The following TET1 variants were observed in gnomAD, a reference collection of about 807,000 sequenced individuals.
TET1 encodes the protein tet methylcytosine dioxygenase 1, also known as methylcytosine dioxygenase TET1.
Under a neutral mutation model 148.7 loss-of-function variants are expected in TET1, and 13 were observed. That is an observed-to-expected ratio of 0.09 (90% confidence interval 0.06 to 0.14). The LOEUF is 0.14. Ranked by LOEUF, TET1 falls within the 10% of genes least tolerant of loss-of-function variation. The pLI is 1.00. For missense variants in TET1, 2,182 were observed against 2,553.8 expected (o/e 0.85, Z 3.14); for synonymous variants, 907 against 937.2 (o/e 0.97, Z 0.59).
chr10:68,584,086 C>G (rs1435851442), intron 2 of TET1, among the ~76,000 whole-genome samples: 2 of 150,764 alleles, frequency 1.3e-5, no homozygotes, highest in Non-Finnish European at 2.9e-5. Context: ...GTCGCCCAGG[C>G]TAGAATGCGG....
intron 2 of TET1, among the ~76,000 whole-genome samples, chr10:68,581,797 A>G (rs1349656528): frequency 4.6e-5 from 7 of 151,884 alleles, no homozygotes; most frequent in South Asian, 2.1e-4. Context: ...GTGAGCTTAG[A>G]TCACACTACA....
chr10:68,586,003 A>AC (rs2132826470), intron 2 of TET1, among the ~76,000 whole-genome samples: 1 of 81,440 alleles, frequency 1.2e-5, no homozygotes, highest in South Asian at 4.8e-4. Flanking sequence ...ACTCCATCTC[A>AC]AAAAAAAAAA....
At chr10:68,667,526 C>A (rs1165238923) in intron 7 of TET1, among the ~76,000 whole-genome samples, 2 of 152,016 alleles carry the variant, frequency 1.3e-5, no homozygotes, top group Non-Finnish European at 2.9e-5. Flanking sequence ...GAGGCCGAGG[C>A]AGGAGGATCA....
In TET1 at chr10:68,600,056, GGT is replaced by G. The variant is rs1340818822; in HGVS notation, c.1915-921_1915-920del. ...CTGGGCAAAGCGCCTGCTGCAAAGA[GGT>G]GTGGTTCCTGAGGAATGAGACACGC... On this transcript the variant is annotated intron_variant, in intron 2 of 11. Transcript: ENST00000373644. Among the ~76,000 whole-genome samples the G allele has an allele frequency of 3.3e-5, 5 of 152,262 alleles. No individual in the cohort carries two copies. The East Asian group carries it at 7.7e-4, about 24-fold the overall frequency.
rs774982155 is a variant in TET1, at chr10:68,601,059, A to G, written c.1968+25A>G. 6 of 1,568,806 alleles carry G rather than the reference A, an allele frequency of 3.8e-6. No homozygotes were observed. The East Asian group carries it at 9.0e-5, about 24-fold the overall frequency. ...GGTAATCAGCTGTTGATTAAATAAT[A>G]TTTCATTATTTTTCCATTTCATATA... On this transcript the variant is annotated intron_variant, in intron 3 of 11. Coordinates refer to ENST00000373644, the MANE Select transcript of TET1 (RefSeq NM_030625.3).
rs144287764 is a variant in TET1, at chr10:68,647,097, T to A, written c.4276+92T>A. On this transcript the variant is annotated intron_variant, in intron 4 of 11. Transcript: ENST00000373644. The stretch of plus-strand genomic sequence containing the variant: ...ATTCTGATTCATCTTTTTTGTGTGA[T>A]ATTTTTTCCCCATTCTTATTCTAAC... The A allele has an allele frequency of 1.5e-4, 208 of 1,382,820 alleles. No individual in the cohort carries two copies. In the African/African-American group the frequency reaches 2.7e-3, roughly 18 times the overall value. The allele number at this position is 1,382,820 out of a possible 1,614,324, so 85.7% of individuals were successfully genotyped here. A position where few individuals can be genotyped will look rare whatever the true frequency, so the allele number is the denominator to read the frequency against.
At chr10:68,588,461 C>T (rs1201212722) in intron 2 of TET1, among the ~76,000 whole-genome samples, 2 of 152,116 alleles carry the variant, frequency 1.3e-5, no homozygotes, top group African/African-American at 4.8e-5. Context: ...GGATTAGAAT[C>T]CCTGGGTTGA....
intron 8 of TET1, among the ~76,000 whole-genome samples, chr10:68,677,565 A>G (rs137923766): frequency 3.5e-4 from 54 of 152,304 alleles, no homozygotes; most frequent in African/African-American, 1.2e-3. Context: ...GGGCCTCACT[A>G]TGTTGCTCTG....
At chr10:68,570,295 G>A (rs2053653804) in intron 1 of TET1, among the ~76,000 whole-genome samples, 1 of 152,022 alleles carries the variant, frequency 6.6e-6, no homozygotes, top group South Asian at 2.1e-4. Flanking sequence ...GGTAGAGACG[G>A]GGTTTCACCA....
intron 1 of TET1, among the ~76,000 whole-genome samples, chr10:68,565,247 A>G (rs944684431): frequency 6.6e-6 from 1 of 151,966 alleles, no homozygotes. Context: ...GAGGCTCAGG[A>G]GGGCAGATGA....
intron 4 of TET1, among the ~76,000 whole-genome samples, chr10:68,649,947 CAG>C (rs1273620675): frequency 2.6e-5 from 4 of 152,078 alleles, no homozygotes; most frequent in Non-Finnish European, 1.5e-5. Flanking sequence ...CACTTAAAGA[CAG>C]AGAAACAAAA....
chr10:68,629,224 G>A (rs2133017263), intron 3 of TET1, among the ~76,000 whole-genome samples: 2 of 152,126 alleles, frequency 1.3e-5, no homozygotes, highest in African/African-American at 4.8e-5. Flanking sequence ...AATTATCTGG[G>A]TGTGGTGGCG....
chr10:68,616,944 T>C (rs1437832584), intron 3 of TET1, among the ~76,000 whole-genome samples: 3 of 146,882 alleles, frequency 2.0e-5, no homozygotes, highest in Non-Finnish European at 3.0e-5. Flanking sequence ...CCTGACCTCG[T>C]GATCCACCCG....
At chr10:68,616,832 C>G (rs548262391) in intron 3 of TET1, among the ~76,000 whole-genome samples, 1 of 150,480 alleles carries the variant, frequency 6.6e-6, no homozygotes, top group Admixed American at 6.7e-5. Context: ...CTCAGCCTCC[C>G]GAGCAGCTGG....
chr10:68,686,799 TAA>T (rs1396108181), intron 11 of TET1, 92 bp downstream of exon 11: 1 of 1,125,642 alleles, frequency 8.9e-7, no homozygotes, highest in Non-Finnish European at 1.3e-6. Flanking sequence ...GAGTTAAAAC[TAA>T]GACACTGAAT....
In TET1 at chr10:68,690,990, A is replaced by C; in HGVS notation, c.5587A>C (p.Lys1863Gln). The C allele has an allele frequency of 1.9e-6, 3 of 1,614,202 alleles. No individual in the cohort carries two copies. Among genetic ancestry groups the C allele is most frequent in the Non-Finnish European group, 2.5e-6 (3 of 1,180,030 alleles). Reference protein sequence around the residue: ...KTASATPAPLKNDATASCGFS... With the variant: ...KTASATPAPLQNDATASCGFS... ...TGCTTCAGCCACACCAGCTCCACTG[A>C]AGAATGACGCAACAGCCTCATGCGG... is the stretch of plus-strand genomic sequence containing the variant. The change falls in exon 12 of 12, where the codon AAG becomes CAG. Residue 1863 changes from lysine to glutamine, a missense_variant. This residue lies in a region of TET1 where 380 missense variants were observed against 387.9 expected (regional missense o/e 0.98). Transcript: ENST00000373644.
intron 6 of TET1, among the ~76,000 whole-genome samples, chr10:68,665,534 C>A (rs958147988): frequency 6.6e-6 from 1 of 152,172 alleles, no homozygotes; most frequent in African/African-American, 2.4e-5. Flanking sequence ...AACCATTGTG[C>A]TTAATTTTCT....
intron 3 of TET1, among the ~76,000 whole-genome samples, chr10:68,640,102 T>C (rs2054721935): frequency 6.6e-6 from 1 of 151,876 alleles, no homozygotes; most frequent in Non-Finnish European, 1.5e-5. Context: ...AATTTTTGTC[T>C]TTTTAGTAGA....
intron 6 of TET1, among the ~76,000 whole-genome samples, chr10:68,654,721 T>A (rs1490856505): frequency 3.3e-5 from 5 of 152,242 alleles, no homozygotes; most frequent in Admixed American, 2.6e-4. Context: ...GCTGAGGTTT[T>A]AGCCCATGAG....
Sources: gnomAD v4.1 joint callset for allele counts (sites outside exome capture counted in the v4.1 genomes callset) on GRCh38, gnomAD v4.1.1 for gene constraint, gnomAD v4.1.1 regional missense constraint, MANE v1.5 for transcripts, NCBI Gene and HGNC (gene_info 2026-07-23, HGNC 2026-07-21) for gene names.